DNAJA3: variants seen among roughly 807,000 people sequenced by gnomAD.
DNAJA3 encodes DnaJ heat shock protein family (Hsp40) member A3.
In DNAJA3, 29 loss-of-function variants were observed where a neutral mutation model predicts 54.9. The ratio of observed to expected loss-of-function variants is 0.53; its 90% confidence interval spans 0.39 to 0.72. The LOEUF is 0.72. Among genes scored for constraint, DNAJA3 ranks in the 30% least tolerant of loss-of-function variants. The pLI is 0.00. For missense variants in DNAJA3, 708 were observed against 639.4 expected (o/e 1.11, Z -1.16); for synonymous variants, 302 against 251.4 (o/e 1.20, Z -1.90).
intron 1 of DNAJA3, chr16:4,433,898 T>G: frequency 6.1e-6 from 1 of 163,850 alleles, no homozygotes; most frequent in South Asian, 1.7e-4. Context: ...TGAAGTGCAT[T>G]AGGGAACAGC....
intron 3 of DNAJA3, chr16:4,440,314 G>A (rs1223442349): frequency 3.3e-5 from 5 of 152,120 alleles, no homozygotes; most frequent in Non-Finnish European, 7.3e-5. Context: ...GTGAGGGCCA[G>A]GCACGGTGGC....
rs1367846550 is a variant in DNAJA3 at position 4,434,499 on chromosome 16, C to A, written c.327C>A (p.Ile109=). Residue 109 remains isoleucine (I), a synonymous_variant, in exon 2 of 12, where the codon ATC becomes ATA. Coordinates refer to ENST00000262375, the MANE Select transcript of DNAJA3 (RefSeq NM_005147.6). Reference sequence around the variant, plus strand: ...CTCGAAATGCCAGCCAGAAAGAGATCAAGAAAGCCTATTATCAGGTCTGTA... The same window carrying A: ...CTCGAAATGCCAGCCAGAAAGAGATAAAGAAAGCCTATTATCAGGTCTGTA... ...GVPRNASQKE[I]KKAYYQLAKK... 1 of 1,612,450 alleles carries A rather than the reference C, an allele frequency of 6.2e-7. No individual in the cohort carries two copies. The highest frequency in any genetic ancestry group is 8.5e-7 in the Non-Finnish European group (1 of 1,179,692).
chr16:4,441,172 C>G, intron 3 of DNAJA3: 1 of 576,878 alleles, frequency 1.7e-6, no homozygotes, highest in Non-Finnish European at 3.0e-6. Flanking sequence ...GGAAGCACTT[C>G]ACGCCCTACA....
chr16:4,439,312 C>CGCCAT, intron 3 of DNAJA3, among the ~76,000 whole-genome samples: 1 of 151,098 alleles, frequency 6.6e-6, no homozygotes, highest in East Asian at 1.9e-4. Context: ...CCGAAGATTG[C>CGCCAT]GCCATTGTAC....
In DNAJA3 at chr16:4,437,615, ATC is replaced by A. The variant is rs1266354225; in HGVS notation, c.429+132_429+133del. ...GAAGGCCATGTCCCTGCGCCAAGTA[ATC>A]TTGTTAAGAAAAATAAAAAAAAAGA... On this transcript the variant is annotated intron_variant, in intron 3 of 11. Transcript: ENST00000262375. The A allele has an allele frequency of 6.0e-6, 4 of 670,744 alleles. No individual in the cohort carries two copies. The African/African-American group carries it at 7.4e-5, about 12-fold the overall frequency. 41.5% of individuals were successfully genotyped at this position (670,744 alleles called of 1,614,324 possible).
In DNAJA3 at chr16:4,456,372, CTG is replaced by C. The variant is rs1403918090; in HGVS notation, c.*842_*843del. 6.6e-6 allele frequency: 1 copy of C among 152,396 alleles called. No individual in the cohort carries two copies. Among genetic ancestry groups the C allele is most frequent in the East Asian group, 1.9e-4 (1 of 5,196 alleles). The allele number at this position is 152,396 out of a possible 1,614,324, so 9.4% of individuals were successfully genotyped here. On this transcript the variant is annotated 3_prime_UTR_variant, in exon 12 of 12. Coordinates refer to ENST00000262375, the MANE Select transcript of DNAJA3 (RefSeq NM_005147.6). ...TGCCTTGGGAACTGAAGCCCTGCCACTGTTGCTAGTCAGGGGCTTGGTTCTCC... is the reference window on the plus strand; with the variant it reads ...TGCCTTGGGAACTGAAGCCCTGCCACTTGCTAGTCAGGGGCTTGGTTCTCC...
intron 1 of DNAJA3, chr16:4,434,170 C>A (rs191018280): frequency 2.8e-4 from 155 of 544,280 alleles, no homozygotes; most frequent in African/African-American, 2.6e-3. Context: ...TGGAGGTAAC[C>A]GCTCCTGTGA....
rs761534632 is a variant in DNAJA3 at position 4,425,952 on chromosome 16, G to A, written c.71G>A (p.Gly24Asp). Reference protein sequence around the residue: ...VGTPRLPAISGRGARPPREGV... With the variant: ...VGTPRLPAISDRGARPPREGV... ...ACCCCGCGGCTGCCGGCTATATCGG[G>A]TAGAGGGGCCCGGCCGCCCAGGGAG... The change falls in exon 1 of 12, where the codon GGT becomes GAT. Residue 24 changes from glycine to aspartate, a missense_variant. Physicochemically the swap from Gly to Asp is moderately conservative, Grantham distance 94. Coordinates refer to ENST00000262375, the MANE Select transcript of DNAJA3 (RefSeq NM_005147.6). 7.6e-6 allele frequency: 12 copies of A among 1,570,420 alleles called. No homozygotes were observed. Among genetic ancestry groups the A allele is most frequent in the Non-Finnish European group, 9.5e-6 (11 of 1,159,834 alleles).
At chr16:4,449,304 C>T (rs769913375) in intron 9 of DNAJA3, among the ~76,000 whole-genome samples, 3 of 151,964 alleles carry the variant, frequency 2.0e-5, no homozygotes, top group South Asian at 2.1e-4. Flanking sequence ...CCAGAATGGT[C>T]GACTTCTTGG....
At chr16:4,442,952 TG>T in intron 5 of DNAJA3, 64 bp from the exon 6 acceptor site, 1 of 1,554,528 alleles carries the variant, frequency 6.4e-7, no homozygotes, top group Non-Finnish European at 8.8e-7. Flanking sequence ...ACGCACATTG[TG>T]GTCCCAGAAC....
At chr16:4,432,957 C>T (rs147028209) in intron 1 of DNAJA3, among the ~76,000 whole-genome samples, 138 of 151,884 alleles carry the variant, frequency 9.1e-4, no homozygotes, top group African/African-American at 2.7e-3. Flanking sequence ...CTGGCTAACA[C>T]GGCGAAACCC....
intron 9 of DNAJA3, 87 bp downstream of exon 9, chr16:4,448,935 T>TC: frequency 3.2e-6 from 3 of 924,474 alleles, no homozygotes; most frequent in Non-Finnish European, 5.2e-6. Flanking sequence ...AGGTTACTGC[T>TC]CCCTGTAAGT....
At chr16:4,435,621 T>A (rs1012868191) in intron 2 of DNAJA3, among the ~76,000 whole-genome samples, 1 of 152,226 alleles carries the variant, frequency 6.6e-6, no homozygotes, top group Non-Finnish European at 1.5e-5. Flanking sequence ...TTCATTCACA[T>A]AATGTTTTCA....
At chr16:4,452,076 AC>A (rs1471166371) in intron 10 of DNAJA3, among the ~76,000 whole-genome samples, 1 of 151,986 alleles carries the variant, frequency 6.6e-6, no homozygotes, top group Admixed American at 6.6e-5. Flanking sequence ...TCTCAAAAAA[AC>A]AACAACAAAA....
intron 1 of DNAJA3, among the ~76,000 whole-genome samples, chr16:4,432,635 C>T (rs542937384): frequency 1.3e-5 from 2 of 152,202 alleles, no homozygotes; most frequent in African/African-American, 4.8e-5. Flanking sequence ...AGCCACCATA[C>T]CCGGCCCGGC....
chr16:4,428,101 GCCACCACGCCCA>G (rs1329755869), intron 1 of DNAJA3, among the ~76,000 whole-genome samples: 7 of 25,842 alleles, frequency 2.7e-4, no homozygotes, highest in African/African-American at 4.3e-4. Flanking sequence ...ACAGGCGCCC[GCCACCACGCCCA>G]GCTAATTTTT....
intron 4 of DNAJA3, among the ~76,000 whole-genome samples, chr16:4,441,880 G>A (rs1008650997): frequency 6.6e-6 from 1 of 152,106 alleles, no homozygotes; most frequent in Non-Finnish European, 1.5e-5. Context: ...TGTCCGGTGG[G>A]AAGGCACTGC....
intron 3 of DNAJA3, chr16:4,437,726 G>T: frequency 2.5e-6 from 1 of 401,846 alleles, no homozygotes; most frequent in Non-Finnish European, 4.5e-6. Context: ...GACCTCAGGA[G>T]TTGGCTTGAC....
chr16:4,443,174 TG>T lies in DNAJA3; in HGVS notation c.931+13del, dbSNP rs1259686644. On this transcript the variant is annotated intron_variant, in intron 6 of 11. Transcript: ENST00000262375. ...ATCCCTGTGCCTGCAGGTGGGTGCT[TG>T]GGCCCGCCATGTCCAGGAGCTTGGA... 6.2e-7 allele frequency: 1 copy of T among 1,613,470 alleles called. No homozygotes were observed. Among genetic ancestry groups the T allele is most frequent in the African/African-American group, 1.3e-5 (1 of 74,792 alleles).
Sources: allele counts gnomAD v4.1 joint callset (sites outside exome capture counted in the v4.1 genomes callset), GRCh38; gene constraint gnomAD v4.1.1; transcripts MANE v1.5; gene names NCBI Gene and HGNC (gene_info 2026-07-23, HGNC 2026-07-21).